ROBO1: variants seen among roughly 807,000 people sequenced by gnomAD.
The protein encoded by ROBO1 is roundabout homolog 1.
A neutral mutation model predicts 195.9 loss-of-function variants in ROBO1; 149 were observed. The ratio of observed to expected loss-of-function variants is 0.76; its 90% CI spans 0.67 to 0.87. The LOEUF (loss-of-function observed/expected upper bound fraction) is 0.87. Ranked by LOEUF, ROBO1 falls within the 40% of genes least tolerant of loss-of-function variation. ROBO1 has a pLI of 0.00. For missense variants in ROBO1, 1,933 were observed against 2,068.3 expected, an observed-to-expected ratio of 0.93 and a Z score of 1.27; for synonymous variants, 816 against 733.2, an observed-to-expected ratio of 1.11 and a Z score of -1.82.
At chr3:78,929,893 T>C (rs1439612182) in intron 4 of ROBO1, among the ~76,000 whole-genome samples, 3 of 152,072 alleles carry the variant, frequency 2.0e-5, no homozygotes, top group African/African-American at 7.2e-5. Context: ...CAGGTTGAGA[T>C]TGCACGGAAG....
chr3:79,412,171 A>G (rs1432102776), intron 2 of ROBO1, among the ~76,000 whole-genome samples: 1 of 152,162 alleles, frequency 6.6e-6, no homozygotes, highest in Non-Finnish European at 1.5e-5. Flanking sequence ...ATTTTTAAAA[A>G]GCAGGTATAT....
chr3:79,037,517 A>G (rs1035582499), intron 3 of ROBO1, among the ~76,000 whole-genome samples: 2 of 152,140 alleles, frequency 1.3e-5, no homozygotes, highest in African/African-American at 4.8e-5. Context: ...TTCTTTTTTG[A>G]TGTCAGAAGG....
intron 1 of ROBO1, among the ~76,000 whole-genome samples, chr3:79,683,851 T>C (rs754989478): frequency 2.6e-5 from 4 of 152,128 alleles, no homozygotes; most frequent in Non-Finnish European, 5.9e-5. Context: ...ATTCATAAGA[T>C]GATATACATT....
intron 4 of ROBO1, among the ~76,000 whole-genome samples, chr3:78,818,316 T>C (rs1460342006): frequency 6.6e-6 from 1 of 152,124 alleles, no homozygotes; most frequent in Non-Finnish European, 1.5e-5. Flanking sequence ...CTGCAGCATG[T>C]ATAGCTGGGC....
intron 3 of ROBO1, among the ~76,000 whole-genome samples, chr3:78,971,301 A>G (rs1353788452): frequency 1.3e-5 from 2 of 152,128 alleles, no homozygotes; most frequent in Non-Finnish European, 2.9e-5. Flanking sequence ...AGGCAGGAGG[A>G]TCACCTAAGC....
intron 2 of ROBO1, among the ~76,000 whole-genome samples, chr3:79,247,220 C>A (rs543299923): frequency 6.8e-6 from 1 of 146,864 alleles, no homozygotes; most frequent in Admixed American, 6.9e-5. Flanking sequence ...ACTGTGATTT[C>A]TTCGTTTCTC....
chr3:79,683,851 TG>T (rs1246015088), intron 1 of ROBO1, among the ~76,000 whole-genome samples: 22 of 152,128 alleles, frequency 1.4e-4, no homozygotes, highest in Non-Finnish European at 2.8e-4. Context: ...ATTCATAAGA[TG>T]ATATACATTT....
chr3:79,215,273 C>T (rs1327600974), intron 2 of ROBO1, among the ~76,000 whole-genome samples: 2 of 152,048 alleles, frequency 1.3e-5, no homozygotes, highest in African/African-American at 4.8e-5. Context: ...AAATAGATCA[C>T]GTGTGACCAG....
intron 10 of ROBO1, among the ~76,000 whole-genome samples, chr3:78,684,397 AAG>A (rs1392734506): frequency 6.6e-6 from 1 of 152,154 alleles, no homozygotes; most frequent in Non-Finnish European, 1.5e-5. Context: ...TGTTGACTAG[AAG>A]AGAGTCAATG....
At chr3:79,743,817 A>G (rs1038738095) in intron 1 of ROBO1, among the ~76,000 whole-genome samples, 2 of 152,154 alleles carry the variant, frequency 1.3e-5, no homozygotes, top group Admixed American at 1.3e-4. Context: ...CGGGTCATCA[A>G]TATCACTGCC....
intron 4 of ROBO1, among the ~76,000 whole-genome samples, chr3:78,933,350 A>G (rs1305151438): frequency 2.0e-5 from 3 of 152,162 alleles, no homozygotes; most frequent in African/African-American, 4.8e-5. Context: ...ATCTAAAAAC[A>G]TAAAGAGAAT....
intron 1 of ROBO1, among the ~76,000 whole-genome samples, chr3:79,677,789 C>G (rs189077086): frequency 2.0e-5 from 3 of 152,162 alleles, no homozygotes; most frequent in Admixed American, 2.0e-4. Flanking sequence ...ATTGTGTGAT[C>G]CTGAGAATGG....
chr3:79,258,765 T>G lies in ROBO1; in HGVS notation c.89-133226A>C, dbSNP rs537535893. Among the ~76,000 whole-genome samples, 5 of 152,252 alleles carry G rather than the reference T, an allele frequency of 3.3e-5. No homozygotes were observed. The East Asian group carries it at 7.7e-4, about 24-fold the overall frequency. On this transcript the variant is annotated intron_variant, in intron 2 of 30. Transcript: ENST00000464233. Reference sequence around the variant, plus strand: ...ACACAGATGAGCACAGAATTTGTCATGTCAAATTGTCAGACTGATCCCAAA... The same window carrying G: ...ACACAGATGAGCACAGAATTTGTCAGGTCAAATTGTCAGACTGATCCCAAA...
chr3:78,944,601 G>A (rs1402768437), intron 3 of ROBO1, among the ~76,000 whole-genome samples: 1 of 152,256 alleles, frequency 6.6e-6, no homozygotes, highest in African/African-American at 2.4e-5. Flanking sequence ...CAGAAGACCA[G>A]TGATTTCTGC....
At chr3:79,490,180 GA>G (rs935278097) in intron 2 of ROBO1, among the ~76,000 whole-genome samples, 6 of 151,236 alleles carry the variant, frequency 4.0e-5, no homozygotes, top group South Asian at 2.1e-4. Context: ...TCTCTTACTA[GA>G]AAAAAAAAGT....
intron 4 of ROBO1, among the ~76,000 whole-genome samples, chr3:78,831,076 C>A (rs529651692): frequency 3.9e-5 from 6 of 151,924 alleles, no homozygotes; most frequent in Non-Finnish European, 7.4e-5. Context: ...CCACGCCTGG[C>A]TAATTTTTCT....
intron 2 of ROBO1, among the ~76,000 whole-genome samples, chr3:79,191,753 A>G (rs1476450926): frequency 6.6e-6 from 1 of 151,418 alleles, no homozygotes; most frequent in Admixed American, 6.6e-5. Flanking sequence ...TAATTAATGT[A>G]CTTTAATTTT....
At chr3:78,765,487 T>C (rs1450214278) in intron 4 of ROBO1, among the ~76,000 whole-genome samples, 1 of 152,000 alleles carries the variant, frequency 6.6e-6, no homozygotes, top group Non-Finnish European at 1.5e-5. Context: ...AGTAAAACAA[T>C]ATTATCTTTA....
At chr3:79,550,876 G>A (rs996422557) in intron 2 of ROBO1, among the ~76,000 whole-genome samples, 1 of 152,148 alleles carries the variant, frequency 6.6e-6, no homozygotes, top group Non-Finnish European at 1.5e-5. Context: ...AATCCCCAAT[G>A]CAATCTTGTT....
Sources: allele counts gnomAD v4.1 joint callset (sites outside exome capture counted in the v4.1 genomes callset), GRCh38; gene constraint gnomAD v4.1.1; transcripts MANE v1.5; gene names NCBI Gene and HGNC (gene_info 2026-07-23, HGNC 2026-07-21).